KERA: variants seen among roughly 807,000 people sequenced by gnomAD.
KERA encodes keratocan.
Under a neutral mutation model 26.4 loss-of-function variants are expected in KERA, and 25 were observed. That is an observed-to-expected ratio of 0.95 (90% CI 0.69 to 1.32). KERA has a LOEUF of 1.32. Ranked by LOEUF, KERA falls within the 40% of genes most tolerant of loss-of-function variation. The probability of loss-of-function intolerance (pLI) is 0.00; values close to 1 mark genes in which losing one functional copy is unlikely to be tolerated. For synonymous variants in KERA, 167 were observed against 146.1 expected, an observed-to-expected ratio of 1.14 and a Z score of -1.03; for missense variants, 434 against 408.9, an observed-to-expected ratio of 1.06 and a Z score of -0.53.
At chr12:91,052,596 TCTC>T (rs1304408391) in intron 2 of KERA, among the ~76,000 whole-genome samples, 1 of 151,560 alleles carries the variant, frequency 6.6e-6, no homozygotes, top group African/African-American at 2.4e-5. Flanking sequence ...AAAATCAGGT[TCTC>T]TTTTTTTACA....
rs1990549 is a variant in KERA, at chr12:91,057,867, T to C, written c.-132A>G. On this transcript the variant is annotated 5_prime_UTR_variant, in exon 1 of 3. Transcript: ENST00000266719. Reference sequence around the variant, plus strand: ...GTTTTTACTTTAAGCTGTCAAGTCGTCTATGAGAAACAGTGAAACCTACTC... The same window carrying C: ...GTTTTTACTTTAAGCTGTCAAGTCGCCTATGAGAAACAGTGAAACCTACTC... 0.97 allele frequency: 146,641 copies of C among 151,004 alleles called. 71,216 individuals are homozygous for C. Among genetic ancestry groups the C allele is most frequent in the East Asian group, 1 (5,118 of 5,118 alleles). The allele number at this position is 151,004 out of a possible 1,614,324, so 9.4% of individuals were successfully genotyped here. A position where few individuals can be genotyped will look rare whatever the true frequency, so the allele number is the denominator to read the frequency against.
intron 2 of KERA, among the ~76,000 whole-genome samples, chr12:91,054,774 G>T (rs997363695): frequency 6.6e-6 from 1 of 151,228 alleles, no homozygotes; most frequent in African/African-American, 2.4e-5. Flanking sequence ...CTATAGTAGT[G>T]GTTCTCAATG....
At chr12:91,051,629 A>G (rs570206867) in intron 2 of KERA, 111 bp from the exon 3 acceptor site, 7 of 761,348 alleles carry the variant, frequency 9.2e-6, no homozygotes, top group East Asian at 2.6e-5. Context: ...GGCCTAATAT[A>G]TGAAAATAGT....
In KERA at chr12:91,056,103, T is replaced by G; in HGVS notation, c.179A>C (p.Asn60Thr). 6.2e-7 allele frequency: 1 copy of G among 1,609,890 alleles called. No individual in the cohort carries two copies. Among genetic ancestry groups the G allele is most frequent in the East Asian group, 2.2e-5 (1 of 44,772 alleles). Residue 60 changes from asparagine (N) to threonine (T), a missense_variant, in exon 2 of 3, where the codon AAT becomes ACT. Physicochemically the swap from Asn to Thr is moderately conservative, Grantham distance 65. Transcript: ENST00000266719. ...AGCAGGAATTTCTTTGAGACCTCTA[T>G]TTTCACAATATAAAGCAGTAGGAAA... ...PSFPTALYCE[N>T]RGLKEIPAIP...
intron 1 of KERA, among the ~76,000 whole-genome samples, chr12:91,056,527 T>C (rs1051227881): frequency 6.0e-5 from 9 of 151,162 alleles, no homozygotes; most frequent in Non-Finnish European, 1.2e-4. Context: ...CCAAACACAA[T>C]AAAAGCCGAG....
chr12:91,057,500 G>C (rs187552868), intron 1 of KERA, among the ~76,000 whole-genome samples: 43 of 150,912 alleles, frequency 2.8e-4, no homozygotes, highest in Admixed American at 2.6e-3. Flanking sequence ...TTTATGAAAT[G>C]CTGATCATTC....
Position 91,050,593 on chromosome 12 carries a change from ACAAT to A in KERA, c.*749_*752del, listed in dbSNP as rs1461906873. The A allele has an allele frequency of 6.6e-6, 1 of 152,078 alleles. No individual in the cohort carries two copies. Among genetic ancestry groups the A allele is most frequent in the Non-Finnish European group, 1.5e-5 (1 of 67,740 alleles). 9.4% of individuals were successfully genotyped at this position (152,078 alleles called of 1,614,324 possible). A position where few individuals can be genotyped will look rare whatever the true frequency, so the allele number is the denominator to read the frequency against. ...TTTTTATTTAGAAAATCCAAAAAAC[ACAAT>A]CAAATATAAAGAACAATTTGCAGTT... On this transcript the variant is annotated 3_prime_UTR_variant, in exon 3 of 3. Transcript: ENST00000266719.
Position 91,055,429 on chromosome 12 carries a change from G to A in KERA, c.853C>T (p.Gln285Ter), listed in dbSNP as rs1878969701. The change falls in exon 2 of 3, where the codon CAG (glutamine) becomes TAG (stop). Residue 285 changes from glutamine (Q) to a stop codon, truncating the protein, a stop_gained. Coordinates refer to ENST00000266719, the MANE Select transcript of KERA (RefSeq NM_007035.4). LOFTEE classifies it high-confidence loss of function. ...TTGTTATGATCAAGGTGAAGGTGCT[G>A]CAGATGAGCACTGATTCGGGGAACC... ...TKVPRISAHL[Q>*]HLHLDHNKIK... 6.2e-7 allele frequency: 1 copy of A among 1,610,334 alleles called. No homozygotes were observed. The highest frequency in any genetic ancestry group is 8.5e-7 in the Non-Finnish European group (1 of 1,177,514).
chr12:91,056,076 A>G lies in KERA; in HGVS notation c.206T>C (p.Ile69Thr). The stretch of plus-strand genomic sequence containing the variant: ...ATAAAGATACCAAATTCTTGAAGGA[A>G]TAGCAGGAATTTCTTTGAGACCTCT... ...ENRGLKEIPAIPSRIWYLYLQ... is the reference protein window; with the variant it reads ...ENRGLKEIPATPSRIWYLYLQ... The change falls in exon 2 of 3, where the codon ATT becomes ACT. Residue 69 changes from isoleucine to threonine, a missense_variant. Coordinates refer to ENST00000266719, the MANE Select transcript of KERA (RefSeq NM_007035.4). The G allele has an allele frequency of 1.9e-6, 3 of 1,608,580 alleles. No homozygotes were observed. The highest frequency in any genetic ancestry group is 2.5e-6 in the Non-Finnish European group (3 of 1,177,526).
At chr12:91,054,854 T>A (rs1007201092) in intron 2 of KERA, among the ~76,000 whole-genome samples, 3 of 151,238 alleles carry the variant, frequency 2.0e-5, no homozygotes, top group African/African-American at 4.8e-5. Flanking sequence ...CCACATCTAC[T>A]GAATCAGAAA....
At position 91,051,255 on chromosome 12, in the gene KERA, A is replaced by T; in HGVS notation, c.*91T>A. ...AAATGGTGGCCGAGAGCAATGGGGA[A>T]TATGACTTGTGTCCTAAACCTATTA... On this transcript the variant is annotated 3_prime_UTR_variant, in exon 3 of 3. Transcript: ENST00000266719. The T allele has an allele frequency of 9.4e-7, 1 of 1,066,962 alleles. No homozygotes were observed. Among genetic ancestry groups the T allele is most frequent in the South Asian group, 1.3e-5 (1 of 76,964 alleles). 66.1% of individuals were successfully genotyped at this position (1,066,962 alleles called of 1,614,324 possible).
Position 91,051,527 on chromosome 12 carries a change from A to G in KERA, c.887-9T>C. 1 of 1,591,530 alleles carries G rather than the reference A, an allele frequency of 6.3e-7. No homozygotes were observed. ...TACAGAGACATTCACACCTACAGTG[A>G]CAAAGAGAATAGATGAATGAATTGG... On this transcript the variant is annotated splice_polypyrimidine_tract_variant and intron_variant, in intron 2 of 2. Transcript: ENST00000266719.
At chr12:91,057,679 C>A (rs1250621685) in intron 1 of KERA, 65 bp downstream of exon 1, 3 of 150,164 alleles carry the variant, frequency 2.0e-5, no homozygotes, top group African/African-American at 7.3e-5. Flanking sequence ...TGTAACCCTG[C>A]GTCTGTTGAA....
At chr12:91,054,558 A>G (rs1444354890) in intron 2 of KERA, among the ~76,000 whole-genome samples, 1 of 150,984 alleles carries the variant, frequency 6.6e-6, no homozygotes, top group Non-Finnish European at 1.5e-5. Context: ...GTTTGTCTCT[A>G]ATGTGTCCAA....
chr12:91,055,341 T>G, intron 2 of KERA, 55 bp downstream of exon 2: 1 of 1,447,214 alleles, frequency 6.9e-7, no homozygotes. Context: ...AAAATAAAGA[T>G]ACATTTAATG....
At chr12:91,057,028 G>GTATA (rs145720565) in intron 1 of KERA, among the ~76,000 whole-genome samples, 12 of 149,614 alleles carry the variant, frequency 8.0e-5, no homozygotes, top group African/African-American at 2.7e-4. Context: ...CTCTATATAT[G>GTATA]TATATATATG....
intron 2 of KERA, among the ~76,000 whole-genome samples, chr12:91,053,496 G>A (rs571165231): frequency 2.6e-5 from 4 of 151,022 alleles, no homozygotes; most frequent in African/African-American, 9.7e-5. Flanking sequence ...CAAGTTTCTC[G>A]CAAGGATTAA....
chr12:91,057,651 T>C (rs991018362), intron 1 of KERA, 93 bp downstream of exon 1: 1 of 150,702 alleles, frequency 6.6e-6, no homozygotes, highest in Non-Finnish European at 1.5e-5. Context: ...AATAGGGTTT[T>C]GGTTTAGTTA....
In KERA at chr12:91,050,973, AT is replaced by A. The variant is rs149902905; in HGVS notation, c.*372del. On this transcript the variant is annotated 3_prime_UTR_variant, in exon 3 of 3. Transcript: ENST00000266719. ...ATCCTCCTGTTTGATTATTACATTT[AT>A]ACTGTAAATTACGGTATCTGCATAA... 632 of 195,378 alleles carry A rather than the reference AT, an allele frequency of 3.2e-3. 6 individuals are homozygous for A. The highest frequency in any genetic ancestry group is 0.014 in the African/African-American group (595 of 42,856). 12.1% of individuals were successfully genotyped at this position (195,378 alleles called of 1,614,324 possible). A position where few individuals can be genotyped will look rare whatever the true frequency, so the allele number is the denominator to read the frequency against.
Sources: gnomAD v4.1 joint callset for allele counts (sites outside exome capture counted in the v4.1 genomes callset) on GRCh38, gnomAD v4.1.1 for gene constraint, MANE v1.5 for transcripts, NCBI Gene and HGNC (gene_info 2026-07-23, HGNC 2026-07-21) for gene names.